HS6ST3: variants seen among roughly 807,000 people sequenced by gnomAD.
HS6ST3 encodes heparan sulfate 6-O-sulfotransferase 3.
HS6ST3 carries 12 observed loss-of-function variants against 36.7 expected under a neutral mutation model. The observed-to-expected ratio is 0.33, with a 90% CI of 0.21 to 0.53. The LOEUF is 0.53. Among genes scored for constraint, HS6ST3 ranks in the 20% least tolerant of loss-of-function variants. The probability of loss-of-function intolerance (pLI) is 0.95; values close to 1 mark genes in which losing one functional copy is unlikely to be tolerated. For synonymous variants in HS6ST3, 240 were observed against 257.5 expected (o/e 0.93, Z 0.65); for missense variants, 584 against 640.9 (o/e 0.91, Z 0.96).
At chr13:96,261,787 T>A (rs2054667750) in intron 1 of HS6ST3, among the ~76,000 whole-genome samples, 1 of 152,058 alleles carries the variant, frequency 6.6e-6, no homozygotes, top group Non-Finnish European at 1.5e-5. Flanking sequence ...GAGAATATGG[T>A]CCCTGTTTTA....
chr13:96,745,510 A>T (rs531390573), intron 1 of HS6ST3, among the ~76,000 whole-genome samples: 4 of 152,258 alleles, frequency 2.6e-5, no homozygotes, highest in African/African-American at 9.6e-5. Flanking sequence ...GTGTGAAAGC[A>T]TAGCTGGAGC....
intron 1 of HS6ST3, among the ~76,000 whole-genome samples, chr13:96,360,684 C>T (rs987230895): frequency 5.4e-5 from 8 of 147,726 alleles, no homozygotes; most frequent in South Asian, 2.1e-4. Flanking sequence ...AGTGGCTCAA[C>T]GCCTGTAATC....
intron 1 of HS6ST3, among the ~76,000 whole-genome samples, chr13:96,533,022 C>T (rs1412970665): frequency 6.6e-6 from 1 of 152,144 alleles, no homozygotes; most frequent in Non-Finnish European, 1.5e-5. Flanking sequence ...CATTTCTAGG[C>T]AGGAGGTTAA....
At chr13:96,221,871 A>G (rs917851207) in intron 1 of HS6ST3, among the ~76,000 whole-genome samples, 2 of 152,240 alleles carry the variant, frequency 1.3e-5, no homozygotes, top group African/African-American at 2.4e-5. Context: ...TTGTCACTTT[A>G]GCATGGATGA....
At chr13:96,762,023 T>G (rs1319148140) in intron 1 of HS6ST3, among the ~76,000 whole-genome samples, 3 of 152,196 alleles carry the variant, frequency 2.0e-5, no homozygotes, top group African/African-American at 7.2e-5. Context: ...CACAGCTATA[T>G]ATTTACTACA....
intron 1 of HS6ST3, among the ~76,000 whole-genome samples, chr13:96,174,585 G>A (rs997189591): frequency 6.6e-6 from 1 of 151,948 alleles, no homozygotes; most frequent in African/African-American, 2.4e-5. Context: ...AACTTTAAAT[G>A]TATACCTATA....
intron 1 of HS6ST3, among the ~76,000 whole-genome samples, chr13:96,427,729 G>T (rs2055594259): frequency 2.0e-5 from 3 of 152,084 alleles, no homozygotes; most frequent in African/African-American, 4.8e-5. Flanking sequence ...TTTCACCAGA[G>T]CTCCATAAAG....
At chr13:96,243,802 A>G (rs1365122499) in intron 1 of HS6ST3, among the ~76,000 whole-genome samples, 1 of 151,848 alleles carries the variant, frequency 6.6e-6, no homozygotes, top group Non-Finnish European at 1.5e-5. Context: ...TATCACACCT[A>G]TATTTGACTT....
chr13:96,242,006 C>T (rs974023701), intron 1 of HS6ST3, among the ~76,000 whole-genome samples: 3 of 151,818 alleles, frequency 2.0e-5, no homozygotes, highest in East Asian at 2.0e-4. Flanking sequence ...AGGATGGTCT[C>T]GATCTCCTGA....
intron 1 of HS6ST3, among the ~76,000 whole-genome samples, chr13:96,733,780 C>T (rs992015731): frequency 2.6e-5 from 4 of 152,118 alleles, no homozygotes; most frequent in African/African-American, 9.7e-5. Flanking sequence ...GCCCCATTTC[C>T]CCAGTCACAG....
At chr13:96,514,927 G>T (rs962721778) in intron 1 of HS6ST3, among the ~76,000 whole-genome samples, 1 of 152,220 alleles carries the variant, frequency 6.6e-6, no homozygotes, top group Non-Finnish European at 1.5e-5. Flanking sequence ...TAATAAAGAT[G>T]AAGGTAAACT....
At chr13:96,381,194 G>A (rs1049310659) in intron 1 of HS6ST3, among the ~76,000 whole-genome samples, 1 of 152,102 alleles carries the variant, frequency 6.6e-6, no homozygotes, top group African/African-American at 2.4e-5. Context: ...CACTTTGTAC[G>A]CTCAGTGGGC....
chr13:96,584,689 T>G (rs2056354371), intron 1 of HS6ST3, among the ~76,000 whole-genome samples: 1 of 152,208 alleles, frequency 6.6e-6, no homozygotes, highest in South Asian at 2.1e-4. Context: ...CTTTGGTATC[T>G]TATACAGAAG....
intron 1 of HS6ST3, among the ~76,000 whole-genome samples, chr13:96,297,689 TG>T (rs2054861829): frequency 6.6e-6 from 1 of 152,174 alleles, no homozygotes; most frequent in African/African-American, 2.4e-5. Flanking sequence ...TAATCATTTT[TG>T]AGCTTCCAGA....
Position 96,603,072 on chromosome 13 carries a change from G to A in HS6ST3, c.708-229418G>A, listed in dbSNP as rs182276640. Among the ~76,000 whole-genome samples the A allele has an allele frequency of 1.3e-3, 200 of 152,124 alleles. 2 individuals carry two copies. The highest frequency in any genetic ancestry group is 0.011 in the South Asian group (51 of 4,824). On this transcript the variant is annotated intron_variant, in intron 1 of 1. Coordinates refer to ENST00000376705, the MANE Select transcript of HS6ST3 (RefSeq NM_153456.4). Reference sequence around the variant, plus strand: ...GATAATTATTAATGTTGTTGTTTTCGTGTGGGAAAGATTGATGGAGCATCT... The same window carrying A: ...GATAATTATTAATGTTGTTGTTTTCATGTGGGAAAGATTGATGGAGCATCT...
intron 1 of HS6ST3, among the ~76,000 whole-genome samples, chr13:96,643,938 T>C (rs1429328479): frequency 6.6e-6 from 1 of 151,864 alleles, no homozygotes; most frequent in Non-Finnish European, 1.5e-5. Context: ...GAAAAATGAA[T>C]GTTCTCTGAA....
chr13:96,374,709 G>C (rs1432053066), intron 1 of HS6ST3, among the ~76,000 whole-genome samples: 1 of 152,028 alleles, frequency 6.6e-6, no homozygotes, highest in Non-Finnish European at 1.5e-5. Flanking sequence ...ATCACAAAAA[G>C]GTCACTATAC....
chr13:96,422,515 T>C (rs571894709), intron 1 of HS6ST3, among the ~76,000 whole-genome samples: 5 of 152,326 alleles, frequency 3.3e-5, no homozygotes, highest in African/African-American at 1.2e-4. Context: ...TTAAGAATGA[T>C]GTCTGGAAGA....
At chr13:96,771,287 A>T (rs1266159718) in intron 1 of HS6ST3, among the ~76,000 whole-genome samples, 1 of 70,326 alleles carries the variant, frequency 1.4e-5, no homozygotes, top group East Asian at 5.3e-4. Flanking sequence ...GGGGGGAGGG[A>T]GGAGGGATAG....
Sources: gnomAD v4.1 joint callset for allele counts (sites outside exome capture counted in the v4.1 genomes callset) on GRCh38, gnomAD v4.1.1 for gene constraint, MANE v1.5 for transcripts, NCBI Gene and HGNC (gene_info 2026-07-23, HGNC 2026-07-21) for gene names.